The following USP40 variants were observed in gnomAD, a reference collection of about 807,000 sequenced individuals.
The protein encoded by USP40 is ubiquitin specific peptidase 40, also known as ubiquitin carboxyl-terminal hydrolase 40.
USP40 carries 143 observed loss-of-function variants against 166.2 expected under a neutral mutation model. That is an observed-to-expected ratio of 0.86 (90% CI 0.75 to 0.99). The LOEUF (loss-of-function observed/expected upper bound fraction) is 0.99, where lower values mean the gene tolerates loss of function less well. Among genes scored for constraint, USP40 ranks in the 50% least tolerant of loss-of-function variants. The probability of loss-of-function intolerance (pLI) is 0.00; values close to 1 mark genes in which losing one functional copy is unlikely to be tolerated. For synonymous variants in USP40, 498 were observed against 524.0 expected, an observed-to-expected ratio of 0.95 and a Z score of 0.68; for missense variants, 1,444 against 1,479.7, an observed-to-expected ratio of 0.98 and a Z score of 0.40.
In USP40 at chr2:233,523,308, A is replaced by C. The variant is rs1394468756; in HGVS notation, c.2063T>G (p.Ile688Ser). 1 of 1,614,014 alleles carries C rather than the reference A, an allele frequency of 6.2e-7. No homozygotes were observed. Among genetic ancestry groups the C allele is most frequent in the African/African-American group, 1.3e-5 (1 of 75,052 alleles). Reference sequence around the variant, plus strand: ...TGGACATCCAGCACTGTTGATGAAGATGACACCTGCTGGGATTGCTAAGGC... The same window carrying C: ...TGGACATCCAGCACTGTTGATGAAGCTGACACCTGCTGGGATTGCTAAGGC... ...LTALAIPAGVIFINSAGCPGG... is the reference protein window; with the variant it reads ...LTALAIPAGVSFINSAGCPGG... The change falls in exon 16 of 32, where the codon ATC becomes AGC. Residue 688 changes from isoleucine to serine, a missense_variant. By Grantham distance (142) the Ile-to-Ser change is moderately radical (BLOSUM62 -2). Transcript: ENST00000678225.
chr2:233,485,601 T>C lies in USP40; in HGVS notation c.3434A>G (p.Lys1145Arg). Residue 1145 changes from lysine to arginine, a missense_variant, in exon 30 of 32, where the codon AAG becomes AGG. Coordinates refer to ENST00000678225, the MANE Select transcript of USP40 (RefSeq NM_001365479.2). ...TTGCAAATAATCTTGTTTTTTTTTC[T>C]TTTTCCTCTTGGTTATTTGTTGGTT... ...SWNQQITKRKKKKKQDYLQGA... is the reference protein window; with the variant it reads ...SWNQQITKRKRKKKQDYLQGA... 6.2e-7 allele frequency: 1 copy of C among 1,613,684 alleles called. No homozygotes were observed.
At chr2:233,521,457 A>G (rs2067653009) in intron 16 of USP40, among the ~76,000 whole-genome samples, 1 of 152,134 alleles carries the variant, frequency 6.6e-6, no homozygotes, top group Non-Finnish European at 1.5e-5. Context: ...CTGGATCTAG[A>G]TTTCATTTAA....
intron 4 of USP40, among the ~76,000 whole-genome samples, chr2:233,559,606 A>G (rs2071396824): frequency 6.6e-6 from 1 of 152,194 alleles, no homozygotes; most frequent in African/African-American, 2.4e-5. Flanking sequence ...CCCAGCCCCA[A>G]ATCACAGCCA....
chr2:233,565,772 T>TG (rs1297618582), intron 1 of USP40, among the ~76,000 whole-genome samples, 199 bp from the exon 2 acceptor site: 5 of 152,082 alleles, frequency 3.3e-5, no homozygotes, highest in African/African-American at 1.2e-4. Context: ...TGTGTGACCC[T>TG]GGATATGTTA....
Position 233,499,916 on chromosome 2 carries a change from C to T in USP40, c.2614-1G>A. On this transcript the variant is annotated splice_acceptor_variant, in intron 21 of 31. Coordinates refer to ENST00000678225, the MANE Select transcript of USP40 (RefSeq NM_001365479.2). LOFTEE classifies it high-confidence loss of function. ...ATTTCTTCAGCATTAACTTTAAACA[C>T]TGTAAAGAAAAACAATGTCCAATGT... is the stretch of plus-strand genomic sequence containing the variant. 1 of 1,611,530 alleles carries T rather than the reference C, an allele frequency of 6.2e-7. No individual in the cohort carries two copies. The highest frequency in any genetic ancestry group is 8.5e-7 in the Non-Finnish European group (1 of 1,178,772).
intron 10 of USP40, among the ~76,000 whole-genome samples, chr2:233,534,477 T>C (rs985352999): frequency 1.3e-5 from 2 of 152,172 alleles, no homozygotes; most frequent in Admixed American, 1.3e-4. Flanking sequence ...ATATAGAAAA[T>C]TACTTGGGAG....
chr2:233,547,675 G>C (rs1400930834), intron 8 of USP40, among the ~76,000 whole-genome samples: 1 of 152,178 alleles, frequency 6.6e-6, no homozygotes, highest in Non-Finnish European at 1.5e-5. Context: ...ACACCGGTTA[G>C]CACTTTCCCT....
chr2:233,485,967 C>T lies in USP40; in HGVS notation c.3208G>A (p.Val1070Met), dbSNP rs200831312. ...QKGENLGPQDVLLRTQVRIPG... is the reference protein window; with the variant it reads ...QKGENLGPQDMLLRTQVRIPG... ...ATGCGCACCTGTGTCCTCAGCAGCACGTCCTGGGGGCTGTACCAGAAAACC... is the reference window on the plus strand; with the variant it reads ...ATGCGCACCTGTGTCCTCAGCAGCATGTCCTGGGGGCTGTACCAGAAAACC... Residue 1070 changes from valine (V) to methionine (M), a missense_variant, in exon 29 of 32, where the codon GTG (valine) becomes ATG (methionine). Physicochemically the swap from Val to Met is conservative, Grantham distance 21. Coordinates refer to ENST00000678225, the MANE Select transcript of USP40 (RefSeq NM_001365479.2). The T allele has an allele frequency of 1.4e-4, 220 of 1,576,604 alleles. 1 individual carries two copies. In the African/African-American group the frequency reaches 2.5e-3, roughly 18 times the overall value.
intron 3 of USP40, among the ~76,000 whole-genome samples, chr2:233,561,393 G>C (rs1468929754): frequency 6.6e-6 from 1 of 150,730 alleles, no homozygotes; most frequent in Non-Finnish European, 1.5e-5. Flanking sequence ...CAACAGAACA[G>C]AGCCCTCACA....
In USP40 at chr2:233,566,120, C is replaced by T. The variant is rs866991777; in HGVS notation, c.-19-547G>A. On this transcript the variant is annotated intron_variant, in intron 1 of 31. Coordinates refer to ENST00000678225, the MANE Select transcript of USP40 (RefSeq NM_001365479.2). ...TTTTTTTAGAGCACTTTAGTACAGT[C>T]CCGAAGCTGTTGGGCCGGAAGTCAG... Among the ~76,000 whole-genome samples the T allele has an allele frequency of 5.3e-5, 8 of 151,646 alleles. No individual in the cohort carries two copies. In the South Asian group the frequency reaches 1.7e-3, roughly 32 times the overall value.
At chr2:233,521,727 G>C (rs1428926398) in intron 16 of USP40, among the ~76,000 whole-genome samples, 1 of 152,156 alleles carries the variant, frequency 6.6e-6, no homozygotes, top group African/African-American at 2.4e-5. Context: ...GTACATTAGA[G>C]CTCTGAAACA....
chr2:233,521,286 T>C (rs2067635199), intron 16 of USP40, among the ~76,000 whole-genome samples, 172 bp from the exon 17 acceptor site: 4 of 152,104 alleles, frequency 2.6e-5, no homozygotes. Context: ...GTCTATAGAG[T>C]CTATATTCAT....
At position 233,476,859 on chromosome 2, in the gene USP40, G is replaced by A. The variant is rs988399977; in HGVS notation, c.*533C>T. 6 of 194,596 alleles carry A rather than the reference G, an allele frequency of 3.1e-5. No individual in the cohort carries two copies. Among genetic ancestry groups the A allele is most frequent in the Admixed American group, 2.7e-4 (5 of 18,830 alleles). The allele number at this position is 194,596 out of a possible 1,614,324, so 12.1% of individuals were successfully genotyped here. On this transcript the variant is annotated 3_prime_UTR_variant, in exon 32 of 32. Coordinates refer to ENST00000678225, the MANE Select transcript of USP40 (RefSeq NM_001365479.2). ...CAAAGGGCAGACGTGGAGCATGCGG[G>A]GCCGGAACGAGTGGGGGAAATGAAG...
chr2:233,524,730 T>TA (rs780801611), intron 14 of USP40, among the ~76,000 whole-genome samples, 168 bp from the exon 15 acceptor site: 2 of 152,236 alleles, frequency 1.3e-5, no homozygotes, highest in Non-Finnish European at 2.9e-5. Flanking sequence ...AATTTTTCTT[T>TA]AAAACGTTGT....
chr2:233,551,580 T>C (rs2070567483), intron 6 of USP40, 61 bp from the exon 7 acceptor site: 2 of 1,484,886 alleles, frequency 1.3e-6, no homozygotes, highest in Admixed American at 2.4e-5. Context: ...GGATACATAA[T>C]GTTTCTTAAG....
intron 21 of USP40, among the ~76,000 whole-genome samples, chr2:233,501,944 G>C (rs1215581828): frequency 6.6e-6 from 1 of 152,214 alleles, no homozygotes; most frequent in Non-Finnish European, 1.5e-5. Context: ...GGGTAGGCCA[G>C]TGGGATATAA....
intron 8 of USP40, among the ~76,000 whole-genome samples, chr2:233,547,746 AG>A (rs1163777935): frequency 6.6e-6 from 1 of 152,234 alleles, no homozygotes; most frequent in African/African-American, 2.4e-5. Context: ...AAGACATTAA[AG>A]GGACTTTAGA....
chr2:233,480,697 G>A lies in USP40; in HGVS notation c.3599+506C>T, dbSNP rs2064521380. 1.3e-5 allele frequency among the ~76,000 whole-genome samples: 2 copies of A among 152,202 alleles called. No individual in the cohort carries two copies. Among genetic ancestry groups the A allele is most frequent in the Non-Finnish European group, 2.9e-5 (2 of 68,024 alleles). ...TGGCCTGTGGCAGCGGAGTCCTGGC[G>A]GCCAGGGGTCAGGCAGTGTCCTGGA... On this transcript the variant is annotated intron_variant, in intron 31 of 31. Transcript: ENST00000678225. This position sits in a 1 kb window ranked among gnomAD's most constrained non-coding sequence, Gnocchi z 4.5.
At chr2:233,543,371 A>T (rs1461580750) in intron 8 of USP40, among the ~76,000 whole-genome samples, 2 of 152,258 alleles carry the variant, frequency 1.3e-5, no homozygotes, top group Admixed American at 1.3e-4. Context: ...TGAGCTTGCA[A>T]GAACATCAGG....
Sources: allele counts gnomAD v4.1 joint callset (sites outside exome capture counted in the v4.1 genomes callset), GRCh38; gene constraint gnomAD v4.1.1; non-coding constraint Gnocchi (gnomAD v3.1); transcripts MANE v1.5; gene names NCBI Gene and HGNC (gene_info 2026-07-23, HGNC 2026-07-21).